Variants in TRAPPC3 observed in about 807,000 individuals in gnomAD.
The protein encoded by TRAPPC3 is trafficking protein particle complex subunit 3.
TRAPPC3 carries 5 observed loss-of-function variants against 18.2 expected under a neutral mutation model. The ratio of observed to expected loss-of-function variants is 0.28; its 90% CI spans 0.14 to 0.58. The LOEUF (loss-of-function observed/expected upper bound fraction) is 0.58, where lower values mean the gene tolerates loss of function less well. Ranked by LOEUF, TRAPPC3 falls within the 20% of genes least tolerant of loss-of-function variation. The pLI is 0.91. For missense variants in TRAPPC3, 176 were observed against 225.9 expected, an observed-to-expected ratio of 0.78 and a Z score of 1.41; for synonymous variants, 65 against 84.2, an observed-to-expected ratio of 0.77 and a Z score of 1.25.
At chr1:36,141,681 T>C (rs1218629036) in intron 1 of TRAPPC3, among the ~76,000 whole-genome samples, 6 of 150,582 alleles carry the variant, frequency 4.0e-5, no homozygotes, top group African/African-American at 1.5e-4. Flanking sequence ...CCAAGGAGGC[T>C]GGGCGCGGTG....
At position 36,137,832 on chromosome 1, in the gene TRAPPC3, A is replaced by G. The variant is rs1226810278; in HGVS notation, c.387T>C (p.Asn129=). The G allele has an allele frequency of 4.3e-6, 7 of 1,614,118 alleles. No individual in the cohort carries two copies. The highest frequency in any genetic ancestry group is 2.7e-5 in the African/African-American group (2 of 74,940). The stretch of plus-strand genomic sequence containing the variant: ...CTCCCCGCAACACCCCACACAAGAG[A>G]TTGGAATAAATAAGGGATGAGTGGT... The part of the protein sequence containing the change: ...PDNHSSLIYS[N]LLCGVLRGAL... The change falls in exon 4 of 5, where the codon AAT becomes AAC. Residue 129 remains asparagine, a synonymous_variant. Coordinates refer to ENST00000373166, the MANE Select transcript of TRAPPC3 (RefSeq NM_014408.5).
chr1:36,145,607 C>T (rs1644182633), intron 1 of TRAPPC3, among the ~76,000 whole-genome samples: 1 of 152,064 alleles, frequency 6.6e-6, no homozygotes, highest in East Asian at 1.9e-4. Flanking sequence ...CAGAGCCAAC[C>T]CCCGTACAGG....
rs1203347309 is a variant in TRAPPC3, at chr1:36,137,870, C to G, written c.349G>C (p.Glu117Gln). ...AGGGATGAGTGGTTATCAGGAAGTT[C>G]CACAAAGTCCACCAAGGGGTTATTT... ...LENNPLVDFV[E>Q]LPDNHSSLIY... The change falls in exon 4 of 5, where the codon GAA becomes CAA. Residue 117 changes from glutamate to glutamine, a missense_variant. By Grantham distance (29) the Glu-to-Gln change is conservative (BLOSUM62 2). This residue lies in a region of TRAPPC3 where 147 missense variants were observed against 164.3 expected (regional missense o/e 0.89). Transcript: ENST00000373166. 6.2e-7 allele frequency: 1 copy of G among 1,614,188 alleles called. No individual in the cohort carries two copies.
upstream of TRAPPC3, among the ~76,000 whole-genome samples, chr1:36,152,126 A>G (rs1202737460): frequency 1.3e-5 from 2 of 152,096 alleles, no homozygotes; most frequent in African/African-American, 2.4e-5. Context: ...TGGGAGCAGC[A>G]TCCAAGGCCT....
intron 1 of TRAPPC3, chr1:36,148,977 T>C: frequency 1.1e-6 from 1 of 896,466 alleles, no homozygotes; most frequent in Non-Finnish European, 1.4e-6. Flanking sequence ...AACGGCAATG[T>C]TATCCATCTG....
intron 1 of TRAPPC3, among the ~76,000 whole-genome samples, chr1:36,147,114 G>A (rs531742747): frequency 3.9e-5 from 6 of 152,254 alleles, no homozygotes; most frequent in African/African-American, 1.2e-4. Context: ...ACTTTGAGAG[G>A]CTGAGGTGGG....
At chr1:36,139,664 A>G in intron 3 of TRAPPC3, 56 bp downstream of exon 3, 1 of 1,606,864 alleles carries the variant, frequency 6.2e-7, no homozygotes, top group Non-Finnish European at 8.5e-7. Context: ...AAGAGTGGTA[A>G]GCAGTGCCTC....
chr1:36,145,100 C>G (rs1644172929), intron 1 of TRAPPC3, among the ~76,000 whole-genome samples: 1 of 152,096 alleles, frequency 6.6e-6, no homozygotes, highest in African/African-American at 2.4e-5. Flanking sequence ...TGGCTCACTG[C>G]AAGCTCTGCC....
chr1:36,144,984 C>T (rs1231651778), intron 1 of TRAPPC3, among the ~76,000 whole-genome samples: 1 of 152,148 alleles, frequency 6.6e-6, no homozygotes, highest in Non-Finnish European at 1.5e-5. Flanking sequence ...CGTTAGTGCC[C>T]CAAACAAAAT....
intron 3 of TRAPPC3, 154 bp downstream of exon 3, chr1:36,139,566 T>C (rs1644076597): frequency 1.1e-6 from 1 of 934,354 alleles, no homozygotes; most frequent in African/African-American, 1.7e-5. Flanking sequence ...ATCTATGCTA[T>C]TCCCTAACGA....
intron 3 of TRAPPC3, among the ~76,000 whole-genome samples, chr1:36,138,638 A>G (rs78479223): frequency 0.012 from 1,822 of 152,314 alleles, 38 homozygotes; most frequent in African/African-American, 0.041. Context: ...GCACAACACT[A>G]TGCTAAACAC....
chr1:36,152,051 G>T (rs1440807667), upstream of TRAPPC3, among the ~76,000 whole-genome samples: 1 of 152,134 alleles, frequency 6.6e-6, no homozygotes, highest in Admixed American at 6.5e-5. Flanking sequence ...GTGAGAATGG[G>T]TGCCTATTCT....
chr1:36,151,359 A>G (rs1239909605), upstream of TRAPPC3, among the ~76,000 whole-genome samples: 1 of 152,290 alleles, frequency 6.6e-6, no homozygotes, highest in South Asian at 2.1e-4. Context: ...CCCCATCTCC[A>G]TAAAAAATAA....
chr1:36,153,481 A>T (rs1644286299), upstream of TRAPPC3, among the ~76,000 whole-genome samples: 1 of 152,162 alleles, frequency 6.6e-6, no homozygotes, highest in African/African-American at 2.4e-5. Context: ...TAAGCTGCCT[A>T]ACTCCCAGAT....
At chr1:36,149,662 G>A (rs762316600), upstream of TRAPPC3, 215 of 546,596 alleles carry the variant, frequency 3.9e-4, 3 homozygotes, top group South Asian at 1.5e-3. Context: ...CGCCTGCCTG[G>A]TAGAGCCCAG....
chr1:36,154,557 C>T (rs148876744), intron 1 of TRAPPC3, among the ~76,000 whole-genome samples: 212 of 152,250 alleles, frequency 1.4e-3, no homozygotes, highest in Middle Eastern at 0.014. Flanking sequence ...TGAACTCCGT[C>T]ATCCCCGCAG....
chr1:36,149,809 C>T (rs1338093155), upstream of TRAPPC3, among the ~76,000 whole-genome samples: 3 of 152,204 alleles, frequency 2.0e-5, no homozygotes, highest in South Asian at 2.1e-4. Flanking sequence ...CCTCTCTCGC[C>T]GGGGTTGGTC....
At chr1:36,138,049 C>T (rs2124138817) in intron 3 of TRAPPC3, 71 bp from the exon 4 acceptor site, 1 of 1,608,288 alleles carries the variant, frequency 6.2e-7, no homozygotes. Context: ...GGTGACAGAA[C>T]TGGCAAAGGG....
intron 1 of TRAPPC3, among the ~76,000 whole-genome samples, chr1:36,154,622 GTCCT>G (rs1383477982): frequency 6.6e-6 from 1 of 152,038 alleles, no homozygotes; most frequent in Admixed American, 6.6e-5. Flanking sequence ...TCTGCTCCTC[GTCCT>G]TCCACTTTTA....
Sources: allele counts gnomAD v4.1 joint callset (sites outside exome capture counted in the v4.1 genomes callset), GRCh38; gene constraint gnomAD v4.1.1; regional missense constraint gnomAD v4.1.1; transcripts MANE v1.5; gene names NCBI Gene and HGNC (gene_info 2026-07-23, HGNC 2026-07-21).